APLP2: variants seen among roughly 807,000 people sequenced by gnomAD.
APLP2 encodes amyloid beta precursor like protein 2, also known as CDEI box-binding protein.
In APLP2, 53 loss-of-function variants were observed where a neutral mutation model predicts 89.9. The observed-to-expected ratio is 0.59, with a 90% CI of 0.47 to 0.74. APLP2 has a LOEUF of 0.74. Ranked by LOEUF, APLP2 falls within the 30% of genes least tolerant of loss-of-function variation. APLP2 has a pLI of 0.00. For synonymous variants in APLP2, 372 were observed against 348.6 expected (o/e 1.07, Z -0.75); for missense variants, 973 against 975.9 (o/e 1.00, Z 0.04).
intron 1 of APLP2, among the ~76,000 whole-genome samples, chr11:130,089,876 A>G (rs1565558251): frequency 1.3e-5 from 2 of 152,162 alleles, no homozygotes; most frequent in Non-Finnish European, 2.9e-5. Flanking sequence ...CACCAGTCAT[A>G]TTGGATTAAG....
In APLP2 at chr11:130,143,556, A is replaced by G; in HGVS notation, c.*108A>G. 1 of 874,216 alleles carries G rather than the reference A, an allele frequency of 1.1e-6. No individual in the cohort carries two copies. Among genetic ancestry groups the G allele is most frequent in the South Asian group, 1.4e-5 (1 of 73,490 alleles). 54.2% of individuals were successfully genotyped at this position (874,216 alleles called of 1,614,324 possible). A position where few individuals can be genotyped will look rare whatever the true frequency, so the allele number is the denominator to read the frequency against. On this transcript the variant is annotated 3_prime_UTR_variant, in exon 17 of 17. Transcript: ENST00000338167. Reference sequence around the variant, plus strand: ...GCCGCTGCCAGGGGCTGCGTCTGACATCCTGACCTCCTGGACTGTAGGACT... The same window carrying G: ...GCCGCTGCCAGGGGCTGCGTCTGACGTCCTGACCTCCTGGACTGTAGGACT...
rs1948421263 is a variant in APLP2 at position 130,110,578 on chromosome 11, A to C, written c.320A>C (p.Asn107Thr). The C allele has an allele frequency of 3.1e-6, 5 of 1,613,864 alleles. No homozygotes were observed. The East Asian group carries it at 1.1e-4, about 36-fold the overall frequency. The change falls in exon 3 of 17, where the codon AAC (asparagine) becomes ACC (threonine). Residue 107 changes from asparagine (N) to threonine (T), a missense_variant. Physicochemically the swap from Asn to Thr is moderately conservative, Grantham distance 65. Transcript: ENST00000338167. The stretch of plus-strand genomic sequence containing the variant: ...CAGATCACAAATGTGATGGAGGCAA[A>C]CCAGCGGGTTAGTATTGACAACTGG... ...ELQITNVMEANQRVSIDNWCR... is the reference protein window; with the variant it reads ...ELQITNVMEATQRVSIDNWCR...
In APLP2 at chr11:130,133,742, C is replaced by T; in HGVS notation, c.1684+14C>T. ...AAGAGGAAATTGGTGGGTACCAGCTCTTTGTGTCAAGGTCATACGGGACTT... is the reference window on the plus strand; with the variant it reads ...AAGAGGAAATTGGTGGGTACCAGCTTTTTGTGTCAAGGTCATACGGGACTT... On this transcript the variant is annotated intron_variant, in intron 12 of 16. Transcript: ENST00000338167. The T allele has an allele frequency of 1.3e-6, 2 of 1,594,080 alleles. No homozygotes were observed. Among genetic ancestry groups the T allele is most frequent in the Non-Finnish European group, 1.7e-6 (2 of 1,161,858 alleles).
chr11:130,078,277 G>A (rs921559936), intron 1 of APLP2, among the ~76,000 whole-genome samples: 4 of 151,518 alleles, frequency 2.6e-5, no homozygotes, highest in Admixed American at 6.6e-5. Context: ...GAGTGTAGCT[G>A]TGGCTCACTC....
chr11:130,121,535 T>C, intron 4 of APLP2, 79 bp from the exon 5 acceptor site: 1 of 1,435,058 alleles, frequency 7.0e-7, no homozygotes, highest in South Asian at 1.8e-5. Flanking sequence ...AGGGTTTATT[T>C]TGGAGGGTAG....
chr11:130,102,969 C>G (rs1215722981), intron 1 of APLP2, among the ~76,000 whole-genome samples: 1 of 152,196 alleles, frequency 6.6e-6, no homozygotes, highest in African/African-American at 2.4e-5. Context: ...GCATAGATCA[C>G]AAGGACTGGC....
chr11:130,098,118 G>T (rs1228908214), intron 1 of APLP2, among the ~76,000 whole-genome samples: 1 of 152,104 alleles, frequency 6.6e-6, no homozygotes, highest in African/African-American at 2.4e-5. Flanking sequence ...TTAAAACATG[G>T]ATATTTGGCC....
intron 1 of APLP2, among the ~76,000 whole-genome samples, chr11:130,076,318 A>G (rs537710702): frequency 2.2e-4 from 33 of 152,270 alleles, no homozygotes; most frequent in Non-Finnish European, 4.1e-4. Context: ...CAAGCGATCC[A>G]GCCGCCTCAG....
intron 1 of APLP2, 84 bp downstream of exon 1, chr11:130,070,166 C>A: frequency 4.2e-6 from 4 of 945,144 alleles, no homozygotes; most frequent in Non-Finnish European, 5.5e-6. Context: ...GGGTCCGCGG[C>A]AGGGCGGGCC....
chr11:130,140,082 T>G (rs1248401008), intron 13 of APLP2, among the ~76,000 whole-genome samples: 1 of 152,170 alleles, frequency 6.6e-6, no homozygotes, highest in Non-Finnish European at 1.5e-5. Flanking sequence ...CATGCTAGGA[T>G]GCCCCTCGGC....
intron 1 of APLP2, among the ~76,000 whole-genome samples, chr11:130,107,697 A>G (rs113426069): frequency 0.058 from 8,863 of 152,324 alleles, 861 homozygotes; most frequent in African/African-American, 0.2. Context: ...CTTTCTTCAC[A>G]GAATTGGAAA....
At chr11:130,132,600 T>C (rs1951052507) in intron 11 of APLP2, among the ~76,000 whole-genome samples, 1 of 143,764 alleles carries the variant, frequency 7.0e-6, no homozygotes, top group East Asian at 2.1e-4. Flanking sequence ...CCACTTCTAA[T>C]GGCCTTTTTT....
chr11:130,127,844 A>C lies in APLP2; in HGVS notation c.1296+4A>C, dbSNP rs1246031717. ...AGAGAGGCAGACTCTGATTCAGGTA[A>C]GATGCCTTCTCTGGGGACATAGCTT... On this transcript the variant is annotated splice_donor_region_variant and intron_variant, in intron 9 of 16. Transcript: ENST00000338167. 2 of 1,613,274 alleles carry C rather than the reference A, an allele frequency of 1.2e-6. No individual in the cohort carries two copies. Among genetic ancestry groups the C allele is most frequent in the Non-Finnish European group, 1.7e-6 (2 of 1,179,384 alleles).
At chr11:130,097,346 A>G (rs1946345629) in intron 1 of APLP2, among the ~76,000 whole-genome samples, 1 of 152,256 alleles carries the variant, frequency 6.6e-6, no homozygotes, top group Admixed American at 6.5e-5. Context: ...TGTTATAAGC[A>G]AAGATATGGG....
intron 13 of APLP2, chr11:130,137,314 C>CT (rs751440252): frequency 6.2e-7 from 1 of 1,606,074 alleles, no homozygotes; most frequent in East Asian, 2.2e-5. Flanking sequence ...AAGATGTTCC[C>CT]TTTAAGACCT....
At chr11:130,109,366 A>T in intron 1 of APLP2, 63 bp from the exon 2 acceptor site, 1 of 1,468,148 alleles carries the variant, frequency 6.8e-7, no homozygotes, top group East Asian at 2.3e-5. Context: ...CATAGACCTG[A>T]ATGACTGTTG....
chr11:130,073,393 T>A (rs116030684), intron 1 of APLP2, among the ~76,000 whole-genome samples: 9,059 of 152,322 alleles, frequency 0.059, 280 homozygotes, highest in Non-Finnish European at 0.073. Context: ...TGGTCCTGCA[T>A]ATGTTTTTAT....
At chr11:130,121,886 T>A in intron 5 of APLP2, 76 bp downstream of exon 5, 1 of 1,554,888 alleles carries the variant, frequency 6.4e-7, no homozygotes, top group Non-Finnish European at 8.6e-7. Context: ...TGTTGGCTGC[T>A]AGTCCCTCAC....
chr11:130,119,693 A>G (rs7123568), intron 3 of APLP2, among the ~76,000 whole-genome samples: 7,355 of 152,240 alleles, frequency 0.048, 582 homozygotes, highest in African/African-American at 0.17. Flanking sequence ...CTCCAGTTTT[A>G]CCTGATGTTT....
Sources: allele counts gnomAD v4.1 joint callset (sites outside exome capture counted in the v4.1 genomes callset), GRCh38; gene constraint gnomAD v4.1.1; transcripts MANE v1.5; gene names NCBI Gene and HGNC (gene_info 2026-07-23, HGNC 2026-07-21).